TMPRSS5: variants seen among roughly 807,000 people sequenced by gnomAD.
The protein encoded by TMPRSS5 is transmembrane serine protease 5.
Under a neutral mutation model 59.7 loss-of-function variants are expected in TMPRSS5, and 45 were observed. The ratio of observed to expected loss-of-function variants is 0.75; its 90% confidence interval spans 0.59 to 0.97. The LOEUF is 0.97. Among genes scored for constraint, TMPRSS5 ranks in the 50% least tolerant of loss-of-function variants. TMPRSS5 has a pLI of 0.00. For synonymous variants in TMPRSS5, 225 were observed against 232.0 expected (o/e 0.97, Z 0.27); for missense variants, 585 against 596.7 (o/e 0.98, Z 0.20).
chr11:113,703,500 T>C (rs1265613121), intron 1 of TMPRSS5, among the ~76,000 whole-genome samples: 1 of 152,168 alleles, frequency 6.6e-6, no homozygotes, highest in Non-Finnish European at 1.5e-5. Flanking sequence ...AGTTAAGACT[T>C]TGGGGGACTG....
intron 5 of TMPRSS5, 31 bp downstream of exon 5, chr11:113,697,252 C>G: frequency 6.3e-7 from 1 of 1,593,436 alleles, no homozygotes; most frequent in Admixed American, 1.7e-5. Flanking sequence ...AGGCCTCCCC[C>G]TTCACAGGAC....
chr11:113,696,936 A>G lies in TMPRSS5; in HGVS notation c.500T>C (p.Ile167Thr). The G allele has an allele frequency of 6.3e-7, 1 of 1,581,184 alleles. No individual in the cohort carries two copies. Residue 167 changes from isoleucine to threonine, a missense_variant, in exon 6 of 13, where the codon ATC (isoleucine) becomes ACC (threonine). Coordinates refer to ENST00000299882, the MANE Select transcript of TMPRSS5 (RefSeq NM_030770.4). The part of the protein sequence containing the change: ...THHKGVNLTD[I>T]KLNSSQEFAQ... ...AAACTCCTGGGAACTGTTGAGTTTG[A>G]TGTCAGTGAGGTTTACTCCCTTGTG...
At position 113,689,836 on chromosome 11, in the gene TMPRSS5, C is replaced by T. The variant is rs375329875; in HGVS notation, c.1288G>A (p.Ala430Thr). 54 of 1,596,710 alleles carry T rather than the reference C, an allele frequency of 3.4e-5. No homozygotes were observed. The highest frequency in any genetic ancestry group is 1.8e-4 in the East Asian group (8 of 44,050). The change falls in exon 12 of 13, where the codon GCA (alanine) becomes ACA (threonine). Residue 430 changes from alanine to threonine, a missense_variant. By Grantham distance (58) the Ala-to-Thr change is moderately conservative (BLOSUM62 0). Transcript: ENST00000299882. ...TAGACACCTGGGTGATTGGGCTCTG[C>T]GCAGCCACGCCCCCAGCTGACCACC... is the stretch of plus-strand genomic sequence containing the variant. The part of the protein sequence containing the change: ...VGVVSWGRGC[A>T]EPNHPGVYAK...
At chr11:113,690,457 C>T (rs1952742651) in intron 10 of TMPRSS5, 84 bp from the exon 11 acceptor site, 2 of 1,512,948 alleles carry the variant, frequency 1.3e-6, no homozygotes, top group African/African-American at 1.4e-5. Flanking sequence ...AATTCGAAGT[C>T]CCAGAGACAG....
chr11:113,688,168 G>C lies in TMPRSS5; in HGVS notation c.*92C>G. 4 of 1,509,732 alleles carry C rather than the reference G, an allele frequency of 2.6e-6. No individual in the cohort carries two copies. The highest frequency in any genetic ancestry group is 2.5e-5 in the East Asian group (1 of 40,264). 93.5% of individuals were successfully genotyped at this position (1,509,732 alleles called of 1,614,324 possible). ...GGAGGTCCATGCGTTCTGTGTCGGA[G>C]GCTACTGCCTCTCCTCCATTAGTGG... On this transcript the variant is annotated 3_prime_UTR_variant, in exon 13 of 13. Transcript: ENST00000299882.
chr11:113,694,235 ACT>A (rs769660062), intron 8 of TMPRSS5: 33 of 357,020 alleles, frequency 9.2e-5, no homozygotes, highest in Non-Finnish European at 1.5e-4. Flanking sequence ...ACAAAGTGAG[ACT>A]CTGTCTCAAA....
chr11:113,690,102 C>A (rs1423501707), intron 11 of TMPRSS5, 129 bp downstream of exon 11: 80 of 1,361,624 alleles, frequency 5.9e-5, no homozygotes, highest in Middle Eastern at 2.6e-4. Flanking sequence ...AGGTGCCCCT[C>A]CTTCTAGAGA....
At chr11:113,691,125 T>A in intron 9 of TMPRSS5, 186 bp from the exon 10 acceptor site, 1 of 590,536 alleles carries the variant, frequency 1.7e-6, no homozygotes, top group Non-Finnish European at 3.1e-6. Context: ...ATCTTTGGGG[T>A]CCCCTGTCAC....
intron 1 of TMPRSS5, among the ~76,000 whole-genome samples, chr11:113,702,963 A>C (rs906010778): frequency 6.6e-6 from 1 of 152,250 alleles, no homozygotes; most frequent in Non-Finnish European, 1.5e-5. Flanking sequence ...AGATCCTCTG[A>C]TAGGGCAGTA....
intron 12 of TMPRSS5, among the ~76,000 whole-genome samples, chr11:113,689,431 TAATAGCATATAAC>T (rs1347582454): frequency 6.6e-6 from 1 of 152,084 alleles, no homozygotes. Context: ...GGGTCTTATT[TAATAGCATATAAC>T]AATAGCATAT....
intron 1 of TMPRSS5, among the ~76,000 whole-genome samples, chr11:113,703,503 G>C (rs1488156599): frequency 6.6e-6 from 1 of 152,170 alleles, no homozygotes; most frequent in Non-Finnish European, 1.5e-5. Flanking sequence ...TAAGACTTTG[G>C]GGGACTGTTG....
intron 12 of TMPRSS5, 106 bp downstream of exon 12, chr11:113,689,659 C>T (rs1168616454): frequency 7.8e-7 from 1 of 1,273,938 alleles, no homozygotes; most frequent in Non-Finnish European, 1.1e-6. Context: ...TGTCCTAGCA[C>T]CCTCCCCAGT....
rs1274208195 is a variant in TMPRSS5, at chr11:113,690,120, T to A, written c.1206+111A>T. On this transcript the variant is annotated intron_variant, in intron 11 of 12. Coordinates refer to ENST00000299882, the MANE Select transcript of TMPRSS5 (RefSeq NM_030770.4). The stretch of plus-strand genomic sequence containing the variant: ...TGCCCCTCCTTCTAGAGAGGCTGTC[T>A]CACACCACTGACAAGCTCAGACCAG... The A allele has an allele frequency of 3.5e-6, 5 of 1,424,272 alleles. No individual in the cohort carries two copies. The Admixed American group carries it at 8.2e-5, about 23-fold the overall frequency. The allele number at this position is 1,424,272 out of a possible 1,614,324, so 88.2% of individuals were successfully genotyped here.
intron 1 of TMPRSS5, among the ~76,000 whole-genome samples, chr11:113,702,009 T>C (rs534082428): frequency 3.2e-4 from 48 of 152,184 alleles, no homozygotes; most frequent in Non-Finnish European, 5.7e-4. Context: ...CATGTCCATG[T>C]ATTCTCACTG....
chr11:113,702,351 A>C (rs1181282619), intron 1 of TMPRSS5, among the ~76,000 whole-genome samples: 2 of 152,190 alleles, frequency 1.3e-5, no homozygotes, highest in Non-Finnish European at 2.9e-5. Flanking sequence ...TCTAGATCAC[A>C]CTGTCATGAG....
chr11:113,688,210 A>T lies in TMPRSS5; in HGVS notation c.*50T>A, dbSNP rs749017479. On this transcript the variant is annotated 3_prime_UTR_variant, in exon 13 of 13. Transcript: ENST00000299882. ...CATTAGTGGAGCTGCTGGAGGCCCC[A>T]GGAAGCATGAGGCAGTGGTGTGCAG... The T allele has an allele frequency of 2.1e-5, 33 of 1,557,544 alleles. No homozygotes were observed. In the African/African-American group the frequency reaches 4.2e-4, roughly 20 times the overall value.
chr11:113,705,582 C>T (rs1953268274), intron 1 of TMPRSS5, among the ~76,000 whole-genome samples: 1 of 152,210 alleles, frequency 6.6e-6, no homozygotes, highest in South Asian at 2.1e-4. Context: ...ACAGATGAGA[C>T]TCACAGGACA....
rs535290009 is a variant in TMPRSS5 at position 113,689,147 on chromosome 11, C to T, written c.1359+618G>A. 5.0e-4 allele frequency among the ~76,000 whole-genome samples: 76 copies of T among 152,270 alleles called. No individual in the cohort carries two copies. In the South Asian group the frequency reaches 0.012, roughly 25 times the overall value. On this transcript the variant is annotated intron_variant, in intron 12 of 12. Transcript: ENST00000299882. ...CCAAGGCTGGTGGATCACCTGAGCT[C>T]AGGAGTTCAAGACCAGCCTGACCAA...
chr11:113,695,495 A>G, intron 6 of TMPRSS5, 52 bp from the exon 7 acceptor site: 1 of 1,590,176 alleles, frequency 6.3e-7, no homozygotes, highest in South Asian at 1.1e-5. Flanking sequence ...CCCTGCAGCC[A>G]CACACATCCA....
Sources: gnomAD v4.1 joint callset for allele counts (sites outside exome capture counted in the v4.1 genomes callset) on GRCh38, gnomAD v4.1.1 for gene constraint, MANE v1.5 for transcripts, NCBI Gene and HGNC (gene_info 2026-07-23, HGNC 2026-07-21) for gene names.